Variants in CDC73 observed in about 807,000 individuals in gnomAD.
The protein encoded by CDC73 is parafibromin.
CDC73 carries 21 observed loss-of-function variants against 83.7 expected under a neutral mutation model. The ratio of observed to expected loss-of-function variants is 0.25; its 90% CI spans 0.18 to 0.36. The LOEUF (loss-of-function observed/expected upper bound fraction) is 0.36. Among genes scored for constraint, CDC73 ranks in the 10% least tolerant of loss-of-function variants. The probability of loss-of-function intolerance (pLI) is 1.00; values close to 1 mark genes in which losing one functional copy is unlikely to be tolerated. For synonymous variants in CDC73, 224 were observed against 212.9 expected (o/e 1.05, Z -0.45); for missense variants, 342 against 653.3 (o/e 0.52, Z 5.19).
chr1:193,204,075 C>T (rs1677137401), intron 11 of CDC73, among the ~76,000 whole-genome samples: 2 of 151,700 alleles, frequency 1.3e-5, no homozygotes, highest in African/African-American at 4.8e-5. Flanking sequence ...AGTAAATCTT[C>T]ATGTTTTTAG....
chr1:193,147,524 C>T (rs1055218582), intron 7 of CDC73, among the ~76,000 whole-genome samples: 8 of 152,000 alleles, frequency 5.3e-5, no homozygotes, highest in Non-Finnish European at 8.8e-5. Flanking sequence ...CCTGCCACCA[C>T]GCCCAGCCAA....
chr1:193,149,883 G>A (rs1040830415), intron 8 of CDC73, among the ~76,000 whole-genome samples: 11 of 152,024 alleles, frequency 7.2e-5, no homozygotes, highest in Non-Finnish European at 1.2e-4. Context: ...TGTTTATAAT[G>A]GATTAATCAT....
intron 10 of CDC73, among the ~76,000 whole-genome samples, chr1:193,188,386 A>G (rs969569043): frequency 1.3e-5 from 2 of 151,312 alleles, no homozygotes; most frequent in African/African-American, 4.8e-5. Context: ...ATCTAGTACT[A>G]TCATTATTCT....
chr1:193,212,028 T>C, intron 11 of CDC73, 37 bp from the exon 12 acceptor site: 1 of 1,514,232 alleles, frequency 6.6e-7, no homozygotes, highest in Non-Finnish European at 9.0e-7. Context: ...ATATGGTTTT[T>C]ATGACACAGA....
intron 8 of CDC73, among the ~76,000 whole-genome samples, chr1:193,148,583 A>G (rs192439271): frequency 1.9e-4 from 29 of 151,542 alleles, no homozygotes; most frequent in African/African-American, 6.8e-4. Context: ...TACAAATGAA[A>G]TTGTTTCTAT....
At chr1:193,123,084 C>G (rs1675493901) in intron 1 of CDC73, among the ~76,000 whole-genome samples, 1 of 152,086 alleles carries the variant, frequency 6.6e-6, no homozygotes, top group East Asian at 1.9e-4. Flanking sequence ...CATTAGGGGC[C>G]TTTTTAATGA....
chr1:193,224,065 C>T (rs1302619396), intron 13 of CDC73, among the ~76,000 whole-genome samples: 2 of 151,864 alleles, frequency 1.3e-5, no homozygotes, highest in Admixed American at 1.3e-4. Context: ...TTACTGTAGT[C>T]ACTCTGCTGA....
At chr1:193,124,448 TG>T (rs1313703994) in intron 1 of CDC73, among the ~76,000 whole-genome samples, 2 of 152,178 alleles carry the variant, frequency 1.3e-5, no homozygotes, top group Admixed American at 6.5e-5. Flanking sequence ...CTGATTATAG[TG>T]GACCATATTC....
intron 2 of CDC73, among the ~76,000 whole-genome samples, chr1:193,128,990 C>G (rs1048168230): frequency 7.4e-4 from 109 of 147,078 alleles, no homozygotes; most frequent in Non-Finnish European, 1.4e-3. Flanking sequence ...TCACGCCCGG[C>G]TAATTTTTTT....
chr1:193,171,342 G>A (rs1676515690), intron 10 of CDC73, among the ~76,000 whole-genome samples: 1 of 152,176 alleles, frequency 6.6e-6, no homozygotes, highest in Admixed American at 6.5e-5. Flanking sequence ...TCGTGGCTTA[G>A]GGAGAGGCCT....
chr1:193,171,050 A>G (rs903900790), intron 10 of CDC73, among the ~76,000 whole-genome samples: 2 of 152,186 alleles, frequency 1.3e-5, no homozygotes, highest in African/African-American at 2.4e-5. Flanking sequence ...TCAACTGTGG[A>G]GACTGAGGCA....
intron 7 of CDC73, among the ~76,000 whole-genome samples, chr1:193,146,474 G>GAAGCAAGCAAGCAAGC (rs201981048): frequency 3.7e-4 from 56 of 150,934 alleles, no homozygotes; most frequent in Non-Finnish European, 7.4e-4. Context: ...GCAGAAGGCA[G>GAAGCAAGCAAGCAAGC]AAGCAAGCAA....
chr1:193,231,821 G>A (rs1322932914), intron 13 of CDC73, among the ~76,000 whole-genome samples: 1 of 152,076 alleles, frequency 6.6e-6, no homozygotes, highest in South Asian at 2.1e-4. Flanking sequence ...ATTAGTGCAA[G>A]TTCTCCTGTG....
chr1:193,194,505 C>T (rs1238849872), intron 10 of CDC73, among the ~76,000 whole-genome samples: 1 of 152,104 alleles, frequency 6.6e-6, no homozygotes, highest in South Asian at 2.1e-4. Context: ...CTACCTTATC[C>T]ATGTTTCTCT....
At chr1:193,218,630 T>C (rs1036390993) in intron 13 of CDC73, among the ~76,000 whole-genome samples, 2 of 152,154 alleles carry the variant, frequency 1.3e-5, no homozygotes, top group African/African-American at 4.8e-5. Flanking sequence ...ACCATCTGCT[T>C]TTTGACAAAG....
At chr1:193,224,656 T>C (rs1677534813) in intron 13 of CDC73, among the ~76,000 whole-genome samples, 1 of 152,188 alleles carries the variant, frequency 6.6e-6, no homozygotes, top group Admixed American at 6.5e-5. Context: ...CATTCGCATA[T>C]ACACATATAT....
At chr1:193,145,940 A>G (rs968368119) in intron 7 of CDC73, among the ~76,000 whole-genome samples, 2 of 152,214 alleles carry the variant, frequency 1.3e-5, no homozygotes, top group Non-Finnish European at 2.9e-5. Context: ...ATATTAAATA[A>G]GCGGTAATTA....
At chr1:193,142,551 T>G (rs1214263919) in intron 7 of CDC73, among the ~76,000 whole-genome samples, 1 of 152,132 alleles carries the variant, frequency 6.6e-6, no homozygotes, top group Non-Finnish European at 1.5e-5. Flanking sequence ...TAATGGAAAT[T>G]GTTTTCTTTT....
At chr1:193,248,013 C>T (rs192531983) in intron 15 of CDC73, among the ~76,000 whole-genome samples, 69 of 152,214 alleles carry the variant, frequency 4.5e-4, no homozygotes, top group African/African-American at 1.3e-3. Flanking sequence ...ACATTTTCAT[C>T]GTAGATGAAA....
Sources: allele counts gnomAD v4.1 joint callset (sites outside exome capture counted in the v4.1 genomes callset), GRCh38; gene constraint gnomAD v4.1.1; transcripts MANE v1.5; gene names NCBI Gene and HGNC (gene_info 2026-07-23, HGNC 2026-07-21).